UNC13C: variants seen among roughly 807,000 people sequenced by gnomAD.
UNC13C encodes the protein unc-13 homolog C.
Under a neutral mutation model 245.4 loss-of-function variants are expected in UNC13C, and 174 were observed. The observed-to-expected ratio is 0.71, with a 90% CI of 0.63 to 0.80. The LOEUF is 0.80. Ranked by LOEUF, UNC13C falls within the 30% of genes least tolerant of loss-of-function variation. The pLI is 0.00. For synonymous variants in UNC13C, 992 were observed against 895.1 expected (o/e 1.11, Z -1.93); for missense variants, 2,829 against 2,602.9 (o/e 1.09, Z -1.89).
intron 30 of UNC13C, among the ~76,000 whole-genome samples, chr15:54,610,091 A>G (rs1344418537): frequency 2.0e-5 from 3 of 152,184 alleles, no homozygotes; most frequent in Non-Finnish European, 2.9e-5. Context: ...CAGCCAAACC[A>G]TATCAGTGCA....
chr15:53,867,754 T>C, the UNC13C span, among the ~76,000 whole-genome samples: 2 of 152,226 alleles, frequency 1.3e-5, no homozygotes, highest in African/African-American at 4.8e-5. Flanking sequence ...CTATTTCCTG[T>C]AAAATAATAA....
intron 19 of UNC13C, among the ~76,000 whole-genome samples, chr15:54,420,107 C>T (rs759833830): frequency 3.9e-5 from 6 of 152,042 alleles, no homozygotes; most frequent in Non-Finnish European, 8.8e-5. Context: ...GAGAAACTCT[C>T]AGCTTGGATA....
intron 28 of UNC13C, among the ~76,000 whole-genome samples, chr15:54,553,444 TTATAA>T (rs1246689110): frequency 7.4e-6 from 1 of 135,420 alleles, no homozygotes; most frequent in Non-Finnish European, 1.5e-5. Flanking sequence ...TATAATATAA[TTATAA>T]TATATAATAT....
chr15:54,264,667 T>A (rs1045332241), intron 9 of UNC13C, among the ~76,000 whole-genome samples: 15 of 151,684 alleles, frequency 9.9e-5, no homozygotes, highest in African/African-American at 3.6e-4. Flanking sequence ...GAAATGAGCA[T>A]TTTTGTTGCC....
chr15:54,543,824 G>T (rs566184509), intron 26 of UNC13C, among the ~76,000 whole-genome samples: 98 of 152,102 alleles, frequency 6.4e-4, no homozygotes, highest in African/African-American at 2.3e-3. Flanking sequence ...ACCAAAAAAA[G>T]CCCAGGACCA....
At chr15:54,076,930 G>T (rs570409068) in intron 2 of UNC13C, among the ~76,000 whole-genome samples, 1 of 152,262 alleles carries the variant, frequency 6.6e-6, no homozygotes, top group East Asian at 1.9e-4. Context: ...TGTAATAGTG[G>T]TCTTTATGAA....
At position 54,608,797 on chromosome 15, in the gene UNC13C, A is replaced by G. The variant is rs116398452; in HGVS notation, c.6107-13530A>G. 7.7e-3 allele frequency among the ~76,000 whole-genome samples: 1,175 copies of G among 152,308 alleles called. 15 individuals carry two copies. The highest frequency in any genetic ancestry group is 0.027 in the African/African-American group (1,130 of 41,566). The stretch of plus-strand genomic sequence containing the variant: ...ATATATTCTCTATTTCTCTTCTGAC[A>G]AATGTTATTCATTCTGTTCATTACA... On this transcript the variant is annotated intron_variant, in intron 30 of 32. Coordinates refer to ENST00000260323, the MANE Select transcript of UNC13C (RefSeq NM_001080534.3).
chr15:54,103,509 A>G (rs1900272709), intron 2 of UNC13C, among the ~76,000 whole-genome samples: 1 of 152,218 alleles, frequency 6.6e-6, no homozygotes, highest in African/African-American at 2.4e-5. Flanking sequence ...ACACAATAGT[A>G]TTACTTCACT....
chr15:53,873,985 C>T, the UNC13C span, among the ~76,000 whole-genome samples: 2,726 of 143,332 alleles, frequency 0.019, 51 homozygotes, highest in East Asian at 0.084. Context: ...TCTTTCTTGT[C>T]TTTCTGTCTG....
At chr15:54,525,442 T>A in intron 24 of UNC13C, 107 bp from the exon 25 acceptor site, 1 of 619,150 alleles carries the variant, frequency 1.6e-6, no homozygotes, top group Non-Finnish European at 2.6e-6. Context: ...AGAAAAAAGC[T>A]TACATGTTGT....
intron 19 of UNC13C, among the ~76,000 whole-genome samples, chr15:54,481,609 C>T (rs973872281): frequency 6.6e-6 from 1 of 152,054 alleles, no homozygotes; most frequent in South Asian, 2.1e-4. Flanking sequence ...AGGCTGGGCT[C>T]TCAAAATAGC....
intron 11 of UNC13C, among the ~76,000 whole-genome samples, chr15:54,296,695 T>C (rs2037445663): frequency 6.6e-6 from 1 of 152,164 alleles, no homozygotes; most frequent in Admixed American, 6.5e-5. Flanking sequence ...GGTTTAACTG[T>C]ACCTTATACG....
intron 2 of UNC13C, chr15:54,048,459 T>G: frequency 1.6e-6 from 1 of 607,294 alleles, no homozygotes. Flanking sequence ...TGCTTGATAA[T>G]GAGGCCAGCC....
intron 24 of UNC13C, among the ~76,000 whole-genome samples, chr15:54,514,580 A>G (rs947528995): frequency 6.6e-6 from 1 of 152,252 alleles, no homozygotes; most frequent in African/African-American, 2.4e-5. Context: ...TTCTAACAAC[A>G]GCATTGCTTT....
the UNC13C span, among the ~76,000 whole-genome samples, chr15:53,945,965 C>T: frequency 6.6e-6 from 1 of 152,102 alleles, no homozygotes; most frequent in South Asian, 2.1e-4. Flanking sequence ...TCTTTCACCT[C>T]CCTGGTTAGC....
intron 19 of UNC13C, among the ~76,000 whole-genome samples, chr15:54,493,938 A>G (rs1443534581): frequency 1.3e-5 from 2 of 152,142 alleles, no homozygotes; most frequent in Non-Finnish European, 2.9e-5. Context: ...CTAAGAATGT[A>G]TCAAAAAAGC....
intron 4 of UNC13C, among the ~76,000 whole-genome samples, chr15:54,184,360 G>A (rs530985753): frequency 5.9e-5 from 9 of 152,154 alleles, no homozygotes; most frequent in African/African-American, 2.2e-4. Flanking sequence ...TTGGTGTGCT[G>A]CACCCATTAA....
chr15:54,454,395 G>A lies in UNC13C; in HGVS notation c.4933+39328G>A, dbSNP rs553790185. ...AGTTCGAGACCAGCCTAGCCAACATGGTGAAACCCCGTCTCTACTAAAAAT... is the reference window on the plus strand; with the variant it reads ...AGTTCGAGACCAGCCTAGCCAACATAGTGAAACCCCGTCTCTACTAAAAAT... On this transcript the variant is annotated intron_variant, in intron 19 of 32. Coordinates refer to ENST00000260323, the MANE Select transcript of UNC13C (RefSeq NM_001080534.3). 2.6e-5 allele frequency among the ~76,000 whole-genome samples: 4 copies of A among 152,050 alleles called. No homozygotes were observed. In the East Asian group the frequency reaches 7.8e-4, roughly 30 times the overall value.
rs753247214 is a variant in UNC13C at position 54,270,345 on chromosome 15, C to T, written c.3818+4849C>T. 2.0e-4 allele frequency among the ~76,000 whole-genome samples: 30 copies of T among 152,130 alleles called. 1 individual carries two copies. Among genetic ancestry groups the T allele is most frequent in the Admixed American group, 1.2e-3 (18 of 15,270 alleles). On this transcript the variant is annotated intron_variant, in intron 10 of 32. Transcript: ENST00000260323. ...GTGAACTGGGGTGGAAAAATATATA[C>T]TGACATTCTGAAAATAAGATGTTTT... is the stretch of plus-strand genomic sequence containing the variant.
Sources: gnomAD v4.1 joint callset for allele counts (sites outside exome capture counted in the v4.1 genomes callset) on GRCh38, gnomAD v4.1.1 for gene constraint, MANE v1.5 for transcripts, NCBI Gene and HGNC (gene_info 2026-07-23, HGNC 2026-07-21) for gene names.